Variants in UBE2G1 observed in about 807,000 individuals in gnomAD.
The protein encoded by UBE2G1 is ubiquitin conjugating enzyme E2 G1, also known as ubiquitin-conjugating enzyme E2 G1.
A neutral mutation model predicts 22.7 loss-of-function variants in UBE2G1; 5 were observed. The observed-to-expected ratio is 0.22, with a 90% CI of 0.12 to 0.46. The LOEUF (loss-of-function observed/expected upper bound fraction) is 0.46. Ranked by LOEUF, UBE2G1 falls within the 20% of genes least tolerant of loss-of-function variation. UBE2G1 has a pLI of 0.99. For missense variants in UBE2G1, 88 were observed against 203.9 expected, an observed-to-expected ratio of 0.43 and a Z score of 3.46; for synonymous variants, 74 against 67.5, an observed-to-expected ratio of 1.10 and a Z score of -0.47.
At chr17:4,350,582 A>G (rs1461491320) in intron 1 of UBE2G1, among the ~76,000 whole-genome samples, 2 of 150,688 alleles carry the variant, frequency 1.3e-5, no homozygotes, top group East Asian at 3.8e-4. Context: ...TCCAAATTAA[A>G]CTAATTGTAA....
chr17:4,322,265 C>T (rs1180469433), intron 1 of UBE2G1, among the ~76,000 whole-genome samples: 1 of 152,170 alleles, frequency 6.6e-6, no homozygotes, highest in Non-Finnish European at 1.5e-5. Flanking sequence ...ATGTAAGCAG[C>T]AGACCATGCC....
chr17:4,340,465 G>A (rs1969698240), intron 1 of UBE2G1, among the ~76,000 whole-genome samples: 1 of 152,080 alleles, frequency 6.6e-6, no homozygotes, highest in South Asian at 2.1e-4. Context: ...TACATGTTGA[G>A]GGAGGGACCT....
At chr17:4,303,958 ATCAT>A (rs1301527059) in intron 2 of UBE2G1, among the ~76,000 whole-genome samples, 1 of 152,246 alleles carries the variant, frequency 6.6e-6, no homozygotes, top group Non-Finnish European at 1.5e-5. Context: ...TTATACAGTC[ATCAT>A]TCATTAATAA....
intron 1 of UBE2G1, among the ~76,000 whole-genome samples, chr17:4,337,451 G>A (rs1270366392): frequency 5.3e-5 from 8 of 151,806 alleles, no homozygotes; most frequent in Admixed American, 4.6e-4. Context: ...TCAGGGGTTC[G>A]AAACCAGCCT....
At chr17:4,305,833 C>T (rs545534977) in intron 2 of UBE2G1, among the ~76,000 whole-genome samples, 2 of 152,338 alleles carry the variant, frequency 1.3e-5, no homozygotes, top group African/African-American at 2.4e-5. Context: ...TGAGCCAACG[C>T]ACCAAGCCAG....
intron 1 of UBE2G1, among the ~76,000 whole-genome samples, chr17:4,335,677 T>G (rs1969637736): frequency 6.6e-6 from 1 of 152,210 alleles, no homozygotes; most frequent in South Asian, 2.1e-4. Flanking sequence ...GCATGCATAT[T>G]TCAATCAATG....
chr17:4,294,149 C>T (rs1013878761), intron 3 of UBE2G1, among the ~76,000 whole-genome samples: 13 of 152,224 alleles, frequency 8.5e-5, no homozygotes, highest in African/African-American at 3.1e-4. Flanking sequence ...AGGCGCGTGG[C>T]TCACGCCTAT....
At chr17:4,315,721 A>C (rs867085353) in intron 1 of UBE2G1, among the ~76,000 whole-genome samples, 47 of 148,434 alleles carry the variant, frequency 3.2e-4, no homozygotes, top group South Asian at 2.8e-3. Flanking sequence ...GCCTGGGCGA[A>C]AGAGCGAGAC....
At chr17:4,352,099 T>C (rs1048746480) in intron 1 of UBE2G1, among the ~76,000 whole-genome samples, 1 of 152,144 alleles carries the variant, frequency 6.6e-6, no homozygotes, top group Non-Finnish European at 1.5e-5. Context: ...CTTTTAAATA[T>C]ATTTGACACA....
Position 4,293,002 on chromosome 17 carries a change from C to T in UBE2G1, c.248-3594G>A, listed in dbSNP as rs531361905. Among the ~76,000 whole-genome samples the T allele has an allele frequency of 2.6e-5, 4 of 152,250 alleles. No homozygotes were observed. The South Asian group carries it at 6.2e-4, about 24-fold the overall frequency. On this transcript the variant is annotated intron_variant, in intron 3 of 5. Coordinates refer to ENST00000396981, the MANE Select transcript of UBE2G1 (RefSeq NM_003342.5). ...TATAACTCACCTACTATACAATTCA[C>T]CTATTTGAAAAGCACGATTTAATGG...
At chr17:4,328,528 A>C (rs1969527465) in intron 1 of UBE2G1, among the ~76,000 whole-genome samples, 1 of 152,204 alleles carries the variant, frequency 6.6e-6, no homozygotes, top group South Asian at 2.1e-4. Context: ...ACTACTGCAG[A>C]GGAGAAGGCG....
rs567955808 is a variant in UBE2G1 at position 4,350,755 on chromosome 17, G to C, written c.46+15516C>G. ...GCTCATTTAAAAATAGTATGAGGCT[G>C]GACGTGTTGGCTCACGTCTGTAATC... On this transcript the variant is annotated intron_variant, in intron 1 of 5. Transcript: ENST00000396981. Among the ~76,000 whole-genome samples the C allele has an allele frequency of 2.6e-5, 4 of 152,136 alleles. No individual in the cohort carries two copies. The South Asian group carries it at 8.3e-4, about 32-fold the overall frequency.
intron 4 of UBE2G1, among the ~76,000 whole-genome samples, chr17:4,286,964 G>T (rs989074160): frequency 2.0e-5 from 3 of 152,064 alleles, no homozygotes; most frequent in Non-Finnish European, 4.4e-5. Context: ...AGAATCGATT[G>T]AACACAGAGG....
intron 1 of UBE2G1, among the ~76,000 whole-genome samples, chr17:4,362,112 A>T (rs984867372): frequency 1.3e-5 from 2 of 152,210 alleles, no homozygotes; most frequent in Non-Finnish European, 2.9e-5. Flanking sequence ...AAAATGTTTT[A>T]AAAGTATCTC....
chr17:4,351,263 T>C (rs1969842162), intron 1 of UBE2G1, among the ~76,000 whole-genome samples: 1 of 152,270 alleles, frequency 6.6e-6, no homozygotes, highest in South Asian at 2.1e-4. Flanking sequence ...ACAGTTCTTC[T>C]GTGTATCTGA....
At chr17:4,342,208 T>G (rs1411052847) in intron 1 of UBE2G1, among the ~76,000 whole-genome samples, 1 of 152,066 alleles carries the variant, frequency 6.6e-6, no homozygotes, top group Non-Finnish European at 1.5e-5. Context: ...CCCCTGATTA[T>G]CTCTCCTTGT....
intron 3 of UBE2G1, among the ~76,000 whole-genome samples, chr17:4,295,244 C>T (rs981695900): frequency 6.6e-6 from 1 of 152,156 alleles, no homozygotes; most frequent in African/African-American, 2.4e-5. Flanking sequence ...TCATGCATGC[C>T]CGCATCATGC....
intron 5 of UBE2G1, among the ~76,000 whole-genome samples, chr17:4,273,436 G>C (rs1183071323): frequency 6.6e-6 from 1 of 152,056 alleles, no homozygotes; most frequent in Admixed American, 6.5e-5. Flanking sequence ...CAGCCTCTGG[G>C]CTCAAGTGAT....
At chr17:4,298,071 T>C (rs1969131585) in intron 2 of UBE2G1, among the ~76,000 whole-genome samples, 1 of 152,146 alleles carries the variant, frequency 6.6e-6, no homozygotes, top group Non-Finnish European at 1.5e-5. Flanking sequence ...CCAAGAAAAA[T>C]ATCAGTAGTA....
Sources: allele counts gnomAD v4.1 joint callset (sites outside exome capture counted in the v4.1 genomes callset), GRCh38; gene constraint gnomAD v4.1.1; transcripts MANE v1.5; gene names NCBI Gene and HGNC (gene_info 2026-07-23, HGNC 2026-07-21).